Variants in PHAX observed in about 807,000 individuals in gnomAD.
PHAX encodes phosphorylated adaptor for RNA export.
A neutral mutation model predicts 41.6 loss-of-function variants in PHAX; 31 were observed. The ratio of observed to expected loss-of-function variants is 0.75; its 90% CI spans 0.56 to 1.01. The LOEUF (loss-of-function observed/expected upper bound fraction) is 1.01. Among genes scored for constraint, PHAX ranks in the 50% least tolerant of loss-of-function variants. PHAX has a pLI of 0.00. For missense variants in PHAX, 453 were observed against 472.9 expected (o/e 0.96, Z 0.39); for synonymous variants, 175 against 164.9 (o/e 1.06, Z -0.47).
chr5:126,610,080 C>T (rs1205229453), intron 3 of PHAX, among the ~76,000 whole-genome samples: 1 of 152,126 alleles, frequency 6.6e-6, no homozygotes, highest in East Asian at 1.9e-4. Flanking sequence ...CAATAAAGTA[C>T]AAATAGGTAT....
intron 1 of PHAX, 49 bp downstream of exon 1, chr5:126,601,107 G>A (rs765842643): frequency 2.2e-6 from 3 of 1,389,362 alleles, no homozygotes; most frequent in Admixed American, 3.8e-5. Context: ...CGCGGAGCCT[G>A]GGCCCCGGGG....
At chr5:126,618,745 G>A (rs1361611565) in intron 4 of PHAX, among the ~76,000 whole-genome samples, 2 of 149,196 alleles carry the variant, frequency 1.3e-5, no homozygotes, top group Non-Finnish European at 3.0e-5. Flanking sequence ...GGCAACCTCT[G>A]CCTCCCGGGT....
intron 3 of PHAX, among the ~76,000 whole-genome samples, chr5:126,611,545 G>C (rs986399562): frequency 6.6e-6 from 1 of 152,088 alleles, no homozygotes; most frequent in Admixed American, 6.6e-5. Context: ...CAGCACTTTG[G>C]GGGGCCAAGG....
chr5:126,608,163 G>C (rs1477873697), intron 2 of PHAX, among the ~76,000 whole-genome samples: 1 of 152,134 alleles, frequency 6.6e-6, no homozygotes, highest in Non-Finnish European at 1.5e-5. Context: ...TGAGAGTTTA[G>C]ATGGAAACTT....
At chr5:126,624,260 C>T (rs1298542588) in intron 4 of PHAX, among the ~76,000 whole-genome samples, 2 of 152,082 alleles carry the variant, frequency 1.3e-5, no homozygotes, top group Non-Finnish European at 2.9e-5. Flanking sequence ...CCACCCACCT[C>T]CGCCTCCCAA....
At position 126,604,210 on chromosome 5, in the gene PHAX, C is replaced by T. The variant is rs764059634; in HGVS notation, c.710+27C>T. The T allele has an allele frequency of 6.0e-6, 9 of 1,502,000 alleles. No homozygotes were observed. The South Asian group carries it at 7.1e-5, about 12-fold the overall frequency. 93.0% of individuals were successfully genotyped at this position (1,502,000 alleles called of 1,614,324 possible). On this transcript the variant is annotated intron_variant, in intron 2 of 4. Transcript: ENST00000297540. ...TGAGCATTTGAATTACAAATAAGTACTTGACCAGATGGCTTCTATTTACAG... is the reference window on the plus strand; with the variant it reads ...TGAGCATTTGAATTACAAATAAGTATTTGACCAGATGGCTTCTATTTACAG...
At chr5:126,601,187 G>A (rs1751892113) in intron 1 of PHAX, 129 bp downstream of exon 1, 1 of 650,410 alleles carries the variant, frequency 1.5e-6, no homozygotes, top group South Asian at 1.8e-5. Flanking sequence ...AGCCCAGGCT[G>A]TCGGGTCAGT....
intron 1 of PHAX, 115 bp from the exon 2 acceptor site, chr5:126,603,455 C>T: frequency 3.5e-6 from 4 of 1,149,184 alleles, no homozygotes; most frequent in Non-Finnish European, 5.0e-6. Flanking sequence ...TCAGATTTGT[C>T]TTTGAAGATC....
chr5:126,601,380 C>T (rs1463928466), intron 1 of PHAX, among the ~76,000 whole-genome samples: 2 of 152,192 alleles, frequency 1.3e-5, no homozygotes, highest in African/African-American at 4.8e-5. Flanking sequence ...CTTGCGGCGG[C>T]CTCTTAGACG....
rs766772214 is a variant in PHAX, at chr5:126,603,993, G to C, written c.520G>C (p.Glu174Gln). Residue 174 changes from glutamate to glutamine, a missense_variant, in exon 2 of 5, where the codon GAA (glutamate) becomes CAA (glutamine). Physicochemically the swap from Glu to Gln is conservative, Grantham distance 29. Transcript: ENST00000297540. ...SQEHTKDLDK[E>Q]LDEYMHGGKK... Reference sequence around the variant, plus strand: ...AGAGCATACAAAAGATCTAGACAAGGAACTAGATGAATATATGCATGGTGG... The same window carrying C: ...AGAGCATACAAAAGATCTAGACAAGCAACTAGATGAATATATGCATGGTGG... The C allele has an allele frequency of 1.2e-6, 2 of 1,613,728 alleles. No homozygotes were observed. Among genetic ancestry groups the C allele is most frequent in the Non-Finnish European group, 1.7e-6 (2 of 1,179,926 alleles).
At position 126,600,960 on chromosome 5, in the gene PHAX, A is replaced by C; in HGVS notation, c.-3A>C. Reference sequence around the variant, plus strand: ...GCTGTGCAGCGCAGCGCACCGCGGGAAGATGGCGTTGGAGGTCGGCGATAT... The same window carrying C: ...GCTGTGCAGCGCAGCGCACCGCGGGCAGATGGCGTTGGAGGTCGGCGATAT... On this transcript the variant is annotated 5_prime_UTR_variant, in exon 1 of 5. Transcript: ENST00000297540. 6.2e-7 allele frequency: 1 copy of C among 1,602,686 alleles called. No homozygotes were observed. The highest frequency in any genetic ancestry group is 8.5e-7 in the Non-Finnish European group (1 of 1,174,488).
chr5:126,602,740 C>T (rs955814476), intron 1 of PHAX, among the ~76,000 whole-genome samples: 10 of 152,044 alleles, frequency 6.6e-5, no homozygotes, highest in African/African-American at 2.2e-4. Context: ...CGCGGTGGCT[C>T]ACGCCTGTAA....
At chr5:126,601,294 G>A (rs1212679579) in intron 1 of PHAX, among the ~76,000 whole-genome samples, 2 of 151,962 alleles carry the variant, frequency 1.3e-5, no homozygotes, top group African/African-American at 4.8e-5. Flanking sequence ...AGCGGCAGCG[G>A]CTGGCCGTGC....
intron 2 of PHAX, among the ~76,000 whole-genome samples, chr5:126,606,115 G>A (rs952840752): frequency 1.8e-4 from 28 of 151,858 alleles, no homozygotes; most frequent in East Asian, 1.9e-4. Flanking sequence ...ATGTAATCTC[G>A]TGCCTTGCTT....
intron 4 of PHAX, among the ~76,000 whole-genome samples, chr5:126,618,048 G>A (rs990418966): frequency 6.6e-6 from 1 of 152,108 alleles, no homozygotes; most frequent in African/African-American, 2.4e-5. Flanking sequence ...CTGCCTCCTG[G>A]GCTCAAGTAG....
rs772928961 is a variant in PHAX, at chr5:126,600,992, T to C, written c.30T>C (p.Asp10=). The C allele has an allele frequency of 3.7e-6, 6 of 1,604,368 alleles. No individual in the cohort carries two copies. Among genetic ancestry groups the C allele is most frequent in the South Asian group, 3.3e-5 (3 of 90,680 alleles). The change falls in exon 1 of 5, where the codon GAT becomes GAC. Residue 10 remains aspartate (D), a synonymous_variant. Coordinates refer to ENST00000297540, the MANE Select transcript of PHAX (RefSeq NM_032177.4). ...CGTTGGAGGTCGGCGATATGGAAGATGGGCAGCTTTCCGACTCGGATTCCG... is the reference window on the plus strand; with the variant it reads ...CGTTGGAGGTCGGCGATATGGAAGACGGGCAGCTTTCCGACTCGGATTCCG... MALEVGDME[D]GQLSDSDSDM... is the part of the protein sequence containing the mutation.
At chr5:126,609,004 CA>C (rs1330805552) in intron 3 of PHAX, among the ~76,000 whole-genome samples, 1 of 146,568 alleles carries the variant, frequency 6.8e-6, no homozygotes, top group African/African-American at 2.5e-5. Flanking sequence ...ACTTCCCTGA[CA>C]AAAAAACAAA....
At position 126,603,136 on chromosome 5, in the gene PHAX, G is replaced by A. The variant is rs188269080; in HGVS notation, c.97-434G>A. On this transcript the variant is annotated intron_variant, in intron 1 of 4. Transcript: ENST00000297540. ...TGCCTGTAGTCCCAGTCCCTCAGGA[G>A]GCTGAGGTAGGAGGATCGCTTGAGC... 2.5e-4 allele frequency among the ~76,000 whole-genome samples: 38 copies of A among 151,904 alleles called. No homozygotes were observed. The East Asian group carries it at 7.3e-3, about 29-fold the overall frequency.
At position 126,624,942 on chromosome 5, in the gene PHAX, G is replaced by T. The variant is rs1331310030; in HGVS notation, c.*98G>T. ...CAACGTTTTGCACTGATAAACATGA[G>T]AATCTGGAGGAAAGACAATTGTTTT... On this transcript the variant is annotated 3_prime_UTR_variant, in exon 5 of 5. Coordinates refer to ENST00000297540, the MANE Select transcript of PHAX (RefSeq NM_032177.4). 1 of 1,023,062 alleles carries T rather than the reference G, an allele frequency of 9.8e-7. No homozygotes were observed. Among genetic ancestry groups the T allele is most frequent in the Non-Finnish European group, 1.4e-6 (1 of 702,620 alleles). The allele number at this position is 1,023,062 out of a possible 1,614,324, so 63.4% of individuals were successfully genotyped here. A position where few individuals can be genotyped will look rare whatever the true frequency, so the allele number is the denominator to read the frequency against.
Sources: gnomAD v4.1 joint callset for allele counts (sites outside exome capture counted in the v4.1 genomes callset) on GRCh38, gnomAD v4.1.1 for gene constraint, MANE v1.5 for transcripts, NCBI Gene and HGNC (gene_info 2026-07-23, HGNC 2026-07-21) for gene names.